The following CHRNA7 variants were observed in gnomAD, a reference collection of about 807,000 sequenced individuals.
CHRNA7 encodes the protein neuronal acetylcholine receptor subunit alpha-7.
In CHRNA7, 17 loss-of-function variants were observed where a neutral mutation model predicts 48.0. That is an observed-to-expected ratio of 0.35 (90% CI 0.24 to 0.53). CHRNA7 has a LOEUF of 0.53. Among genes scored for constraint, CHRNA7 ranks in the 20% least tolerant of loss-of-function variants. CHRNA7 has a pLI of 0.92. For missense variants in CHRNA7, 155 were observed against 577.7 expected (o/e 0.27, Z 7.50); for synonymous variants, 75 against 242.3 (o/e 0.31, Z 6.41).
chr15:32,164,970 G>A (rs1357175994), intron 9 of CHRNA7, among the ~76,000 whole-genome samples: 2 of 112,852 alleles, frequency 1.8e-5, no homozygotes, highest in African/African-American at 6.9e-5. Context: ...CATTACACAA[G>A]CAGTAATGTG....
intron 1 of CHRNA7, 88 bp downstream of exon 1, chr15:32,030,737 G>A (rs1901778952): frequency 1.3e-6 from 2 of 1,525,390 alleles, no homozygotes; most frequent in East Asian, 2.5e-5. Context: ...CCTGGGCCAG[G>A]TTTGGGATCT....
intron 2 of CHRNA7, among the ~76,000 whole-genome samples, chr15:32,079,366 CTGTT>C (rs2050181815): frequency 6.6e-6 from 1 of 152,180 alleles, no homozygotes; most frequent in Non-Finnish European, 1.5e-5. Flanking sequence ...CAAATTGTCT[CTGTT>C]TGCAGATGAT....
rs147696866 is a variant in CHRNA7 at position 32,150,842 on chromosome 15, A to G, written c.351-3065A>G. 1.4e-3 allele frequency among the ~76,000 whole-genome samples: 208 copies of G among 152,250 alleles called. 2 individuals carry two copies. Among genetic ancestry groups the G allele is most frequent in the African/African-American group, 4.7e-3 (195 of 41,538 alleles). ...TATTTTGTGCCCAATCACCATTTATAATGTGACTCATTAACAGTCAGATAC... is the reference window on the plus strand; with the variant it reads ...TATTTTGTGCCCAATCACCATTTATGATGTGACTCATTAACAGTCAGATAC... On this transcript the variant is annotated intron_variant, in intron 4 of 9. Coordinates refer to ENST00000306901, the MANE Select transcript of CHRNA7 (RefSeq NM_000746.6).
chr15:32,075,091 AT>A lies in CHRNA7; in HGVS notation c.196-26205del, dbSNP rs536057853. On this transcript the variant is annotated intron_variant, in intron 2 of 9. Coordinates refer to ENST00000306901, the MANE Select transcript of CHRNA7 (RefSeq NM_000746.6). The stretch of plus-strand genomic sequence containing the variant: ...AACCCTGGTTTGGTCATGGAACATA[AT>A]TTTTTTGTATATATTGCTGAATTCA... Among the ~76,000 whole-genome samples the A allele has an allele frequency of 3.5e-3, 540 of 152,244 alleles. 3 individuals carry two copies. Among genetic ancestry groups the A allele is most frequent in the African/African-American group, 0.012 (506 of 41,536 alleles).
intron 4 of CHRNA7, among the ~76,000 whole-genome samples, chr15:32,136,952 A>G (rs902957024): frequency 7.0e-6 from 1 of 141,982 alleles, no homozygotes; most frequent in Non-Finnish European, 1.5e-5. Context: ...GAATGGCGTG[A>G]ACCCGGGAGG....
intron 3 of CHRNA7, 168 bp downstream of exon 3, chr15:32,101,515 A>T: frequency 1.5e-6 from 1 of 683,580 alleles, no homozygotes; most frequent in Non-Finnish European, 2.5e-6. Context: ...CCAACAATGA[A>T]TGCTGGCTGT....
At chr15:32,035,124 C>A (rs1902022343) in intron 2 of CHRNA7, among the ~76,000 whole-genome samples, 1 of 152,182 alleles carries the variant, frequency 6.6e-6, no homozygotes, top group South Asian at 2.1e-4. Flanking sequence ...CTTATATGCA[C>A]ACACTGACTT....
In CHRNA7 at chr15:32,114,040, A is replaced by G. The variant is rs369716087; in HGVS notation, c.350+2141A>G. ...TCCAAATATATATATATATATATAT[A>G]TATGTATATATATATATATACATAT... On this transcript the variant is annotated intron_variant, in intron 4 of 9. Transcript: ENST00000306901. Among the ~76,000 whole-genome samples the G allele has an allele frequency of 5.1e-3, 331 of 64,846 alleles. 4 individuals are homozygous for G. Among genetic ancestry groups the G allele is most frequent in the African/African-American group, 0.013 (228 of 17,966 alleles). The allele number at this position is 64,846 out of a possible 152,430, so 42.5% of individuals were successfully genotyped here. A position where few individuals can be genotyped will look rare whatever the true frequency, so the allele number is the denominator to read the frequency against.
intron 2 of CHRNA7, among the ~76,000 whole-genome samples, chr15:32,096,737 T>C (rs571427579): frequency 6.6e-6 from 1 of 152,318 alleles, no homozygotes; most frequent in Admixed American, 6.5e-5. Context: ...AAATGCAAGA[T>C]AGCACATTAC....
Position 32,094,817 on chromosome 15 carries a change from C to T in CHRNA7, c.196-6486C>T, listed in dbSNP as rs546596014. Among the ~76,000 whole-genome samples, 646 of 152,252 alleles carry T rather than the reference C, an allele frequency of 4.2e-3. 5 individuals are homozygous for T. The highest frequency in any genetic ancestry group is 0.014 in the African/African-American group (595 of 41,542). ...CTGGGACTGCAGGTGCCTGCCACCGCGCCTGGCTAATTTTTTGTATTTTTA... is the reference window on the plus strand; with the variant it reads ...CTGGGACTGCAGGTGCCTGCCACCGTGCCTGGCTAATTTTTTGTATTTTTA... On this transcript the variant is annotated intron_variant, in intron 2 of 9. Transcript: ENST00000306901.
intron 3 of CHRNA7, among the ~76,000 whole-genome samples, chr15:32,105,591 G>A (rs1418554877): frequency 2.0e-5 from 3 of 152,220 alleles, no homozygotes; most frequent in Admixed American, 1.3e-4. Context: ...GATGACAGCT[G>A]GTGGTCAGAT....
intron 4 of CHRNA7, among the ~76,000 whole-genome samples, chr15:32,137,155 A>G (rs2051284029): frequency 6.6e-6 from 1 of 152,154 alleles, no homozygotes; most frequent in South Asian, 2.1e-4. Flanking sequence ...TAGACAAGAT[A>G]AAAGTAAATG....
chr15:32,132,966 A>G (rs1480349597), intron 4 of CHRNA7, among the ~76,000 whole-genome samples: 2 of 152,146 alleles, frequency 1.3e-5, no homozygotes, highest in Admixed American at 6.5e-5. Context: ...CAGCCTGATC[A>G]TTTTTCAATG....
At chr15:32,142,249 C>T (rs1241462582) in intron 4 of CHRNA7, among the ~76,000 whole-genome samples, 1 of 152,184 alleles carries the variant, frequency 6.6e-6, no homozygotes, top group Non-Finnish European at 1.5e-5. Context: ...TTGAACCAGC[C>T]TTGCATCCCA....
chr15:32,113,985 C>T (rs1039643412), intron 4 of CHRNA7, among the ~76,000 whole-genome samples: 2 of 143,826 alleles, frequency 1.4e-5, no homozygotes, highest in Non-Finnish European at 3.0e-5. Flanking sequence ...TCACTGCTTG[C>T]CATCCTGGGT....
rs571790498 is a variant in CHRNA7 at position 32,040,231 on chromosome 15, A to G, written c.195+9194A>G. Reference sequence around the variant, plus strand: ...AGTCTCTTTAAATTGATGCATTTAGACCACTCAGAGTGATTGTCGATATAG... The same window carrying G: ...AGTCTCTTTAAATTGATGCATTTAGGCCACTCAGAGTGATTGTCGATATAG... On this transcript the variant is annotated intron_variant, in intron 2 of 9. Transcript: ENST00000306901. Among the ~76,000 whole-genome samples, 101 of 152,158 alleles carry G rather than the reference A, an allele frequency of 6.6e-4. No homozygotes were observed. The South Asian group carries it at 0.02, about 30-fold the overall frequency.
intron 4 of CHRNA7, among the ~76,000 whole-genome samples, chr15:32,122,383 A>T (rs2050986805): frequency 6.6e-6 from 1 of 152,144 alleles, no homozygotes; most frequent in Non-Finnish European, 1.5e-5. Context: ...TCTAGAAATG[A>T]TTCTCCTTTC....
intron 4 of CHRNA7, among the ~76,000 whole-genome samples, chr15:32,128,507 T>C (rs544719476): frequency 6.6e-6 from 1 of 152,118 alleles, no homozygotes; most frequent in South Asian, 2.1e-4. Flanking sequence ...TTGTTAAATT[T>C]ATATTTGTTT....
intron 2 of CHRNA7, among the ~76,000 whole-genome samples, chr15:32,095,337 C>CT (rs1488062400): frequency 2.0e-5 from 3 of 152,256 alleles, no homozygotes; most frequent in East Asian, 1.9e-4. Context: ...TGAAGATCCT[C>CT]TAAGTTTTGT....
Sources: allele counts gnomAD v4.1 joint callset (sites outside exome capture counted in the v4.1 genomes callset), GRCh38; gene constraint gnomAD v4.1.1; transcripts MANE v1.5; gene names NCBI Gene and HGNC (gene_info 2026-07-23, HGNC 2026-07-21).